Variants in EDF1 observed in about 807,000 individuals in gnomAD.
The protein encoded by EDF1 is endothelial differentiation related factor 1.
Under a neutral mutation model 20.8 loss-of-function variants are expected in EDF1, and 5 were observed. That is an observed-to-expected ratio of 0.24 (90% confidence interval 0.13 to 0.51). EDF1 has a LOEUF of 0.51. Among genes scored for constraint, EDF1 ranks in the 20% least tolerant of loss-of-function variants. The pLI, the probability that EDF1 is intolerant of heterozygous loss-of-function variation, is 0.97. For missense variants in EDF1, 137 were observed against 197.8 expected, an observed-to-expected ratio of 0.69 and a Z score of 1.84; for synonymous variants, 96 against 78.5, an observed-to-expected ratio of 1.22 and a Z score of -1.18.
chr9:136,866,075 G>A (rs1442759701), intron 1 of EDF1, 106 bp downstream of exon 1: 5 of 1,181,668 alleles, frequency 4.2e-6, no homozygotes, highest in East Asian at 3.1e-5. Context: ...CCTGCGCCCT[G>A]TCCCAGGCCC....
rs1849132779 is a variant in EDF1 at position 136,862,860 on chromosome 9, A to C, written c.385+46T>G. 1 of 1,612,114 alleles carries C rather than the reference A, an allele frequency of 6.2e-7. No individual in the cohort carries two copies. The highest frequency in any genetic ancestry group is 8.5e-7 in the Non-Finnish European group (1 of 1,179,950). On this transcript the variant is annotated intron_variant, in intron 4 of 4. Transcript: ENST00000224073. This position sits in a 1 kb window ranked among gnomAD's most constrained non-coding sequence, Gnocchi z 4.1. ...TCACCAACCCCAGCTGGGAGCGGGT[A>C]GCCTCCCTGTTCAGCGGACCCGGCG...
In EDF1 at chr9:136,862,581, T is replaced by C; in HGVS notation, c.386-236A>G. On this transcript the variant is annotated intron_variant, in intron 4 of 4. Transcript: ENST00000224073. This position sits in a 1 kb window ranked among gnomAD's most constrained non-coding sequence, Gnocchi z 4.1. ...CGGAAGAACCGGAGCCGGGGTCCTC[T>C]GTGGAACTGGCTTCCGGCCCCATGC... 1 of 1,561,078 alleles carries C rather than the reference T, an allele frequency of 6.4e-7. No individual in the cohort carries two copies. The highest frequency in any genetic ancestry group is 8.6e-7 in the Non-Finnish European group (1 of 1,160,754).
Position 136,862,163 on chromosome 9 carries a change from G to A in EDF1, c.*121C>T. ...TGTTTGACAGCAGGAATGGGCTGGG[G>A]AGGGTCCCCCGCAAGCTGGACCCCT... On this transcript the variant is annotated 3_prime_UTR_variant, in exon 5 of 5. Transcript: ENST00000224073. This position sits in a 1 kb window ranked among gnomAD's most constrained non-coding sequence, Gnocchi z 4.1. The A allele has an allele frequency of 1.6e-6, 2 of 1,281,582 alleles. No homozygotes were observed. The highest frequency in any genetic ancestry group is 2.2e-6 in the Non-Finnish European group (2 of 890,060). 79.4% of individuals were successfully genotyped at this position (1,281,582 alleles called of 1,614,324 possible).
chr9:136,863,235 T>C lies in EDF1; in HGVS notation c.291+53A>G. ...CCCCGTGCTATCTGAACACCGGCCA[T>C]CCCCCTCCCCAAACCCACAACCCCA... is the stretch of plus-strand genomic sequence containing the variant. On this transcript the variant is annotated intron_variant, in intron 3 of 4. Coordinates refer to ENST00000224073, the MANE Select transcript of EDF1 (RefSeq NM_003792.4). This position sits in a 1 kb window ranked among gnomAD's most constrained non-coding sequence, Gnocchi z 4.5. 1.3e-6 allele frequency: 2 copies of C among 1,581,464 alleles called. No individual in the cohort carries two copies. The highest frequency in any genetic ancestry group is 1.7e-6 in the Non-Finnish European group (2 of 1,164,366).
intron 1 of EDF1, among the ~76,000 whole-genome samples, chr9:136,864,283 T>G (rs1395014126): frequency 1.3e-5 from 2 of 151,984 alleles, no homozygotes; most frequent in Non-Finnish European, 2.9e-5. Flanking sequence ...TTTTTTTTTT[T>G]TTTTTTTAGA....
At chr9:136,865,191 G>C (rs1477662099) in intron 1 of EDF1, among the ~76,000 whole-genome samples, 1 of 152,158 alleles carries the variant, frequency 6.6e-6, no homozygotes, top group East Asian at 1.9e-4. Context: ...GAATGAGGCA[G>C]AGGCGGTGAC....
intron 1 of EDF1, among the ~76,000 whole-genome samples, chr9:136,865,481 A>G (rs978252443): frequency 6.6e-6 from 1 of 151,562 alleles, no homozygotes; most frequent in African/African-American, 2.4e-5. Context: ...CCCTGTCCCC[A>G]GCTCCCACTC....
In EDF1 at chr9:136,862,597, G is replaced by A. The variant is rs929052075; in HGVS notation, c.386-252C>T. On this transcript the variant is annotated intron_variant, in intron 4 of 4. Coordinates refer to ENST00000224073, the MANE Select transcript of EDF1 (RefSeq NM_003792.4). This position sits in a 1 kb window ranked among gnomAD's most constrained non-coding sequence, Gnocchi z 4.1. ...GGGGTCCTCTGTGGAACTGGCTTCC[G>A]GCCCCATGCTGACAGGGCCCGGACC... 138 of 1,545,788 alleles carry A rather than the reference G, an allele frequency of 8.9e-5. No homozygotes were observed. The highest frequency in any genetic ancestry group is 1.1e-4 in the Non-Finnish European group (127 of 1,152,790).
In EDF1 at chr9:136,862,448, C is replaced by T. The variant is rs1849120317; in HGVS notation, c.386-103G>A. 6.2e-7 allele frequency: 1 copy of T among 1,613,452 alleles called. No individual in the cohort carries two copies. Among genetic ancestry groups the T allele is most frequent in the Admixed American group, 1.7e-5 (1 of 59,998 alleles). ...CCCAGGGAAGGGGGGCCACGCCGCT[C>T]CCGTGCCTCACTGGGCTCTCAGCAC... is the stretch of plus-strand genomic sequence containing the variant. On this transcript the variant is annotated intron_variant, in intron 4 of 4. Coordinates refer to ENST00000224073, the MANE Select transcript of EDF1 (RefSeq NM_003792.4). The surrounding 1 kb of genome is among the most constrained non-coding windows in gnomAD (Gnocchi z 4.1).
At chr9:136,864,223 C>T (rs912723085) in intron 1 of EDF1, among the ~76,000 whole-genome samples, 2 of 151,908 alleles carry the variant, frequency 1.3e-5, no homozygotes, top group African/African-American at 4.8e-5. Flanking sequence ...TCACAGTTAA[C>T]TGCTAAGAGA....
chr9:136,866,094 C>T (rs1849220067), intron 1 of EDF1, 87 bp downstream of exon 1: 1 of 1,395,350 alleles, frequency 7.2e-7, no homozygotes, highest in East Asian at 2.8e-5. Flanking sequence ...CCCGCCTGCC[C>T]TTCCCCGAGC....
chr9:136,865,599 G>T (rs1849201153), intron 1 of EDF1, among the ~76,000 whole-genome samples: 1 of 150,402 alleles, frequency 6.6e-6, no homozygotes, highest in African/African-American at 2.5e-5. Flanking sequence ...TTCATCGCTG[G>T]TTCCTGCTGC....
rs1036614558 is a variant in EDF1 at position 136,866,280 on chromosome 9, G to T, written c.-22C>A. The stretch of plus-strand genomic sequence containing the variant: ...CCATGGCGGGCGAAGACGAGCGTCC[G>T]TCCGGCGGCTCAGCGGCAGCTGCTA... On this transcript the variant is annotated 5_prime_UTR_variant, in exon 1 of 5. Transcript: ENST00000224073. 2 of 1,591,750 alleles carry T rather than the reference G, an allele frequency of 1.3e-6. No homozygotes were observed. The highest frequency in any genetic ancestry group is 8.5e-7 in the Non-Finnish European group (1 of 1,173,060).
rs200305721 is a variant in EDF1 at position 136,862,855 on chromosome 9, C to G, written c.385+51G>C. ...CACTCTCACCAACCCCAGCTGGGAG[C>G]GGGTAGCCTCCCTGTTCAGCGGACC... On this transcript the variant is annotated intron_variant, in intron 4 of 4. Transcript: ENST00000224073. The surrounding 1 kb of genome is among the most constrained non-coding windows in gnomAD (Gnocchi z 4.1). The G allele has an allele frequency of 6.2e-7, 1 of 1,611,990 alleles. No individual in the cohort carries two copies.
chr9:136,865,676 C>T (rs1849203683), intron 1 of EDF1, among the ~76,000 whole-genome samples: 1 of 151,172 alleles, frequency 6.6e-6, no homozygotes, highest in Non-Finnish European at 1.5e-5. Context: ...CAAGCCCTGT[C>T]CCCATCTCCA....
Position 136,862,439 on chromosome 9 carries a change from C to G in EDF1, c.386-94G>C. On this transcript the variant is annotated intron_variant, in intron 4 of 4. Transcript: ENST00000224073. The surrounding 1 kb of genome is among the most constrained non-coding windows in gnomAD (Gnocchi z 4.1). Reference sequence around the variant, plus strand: ...CAACATCTTCCCAGGGAAGGGGGGCCACGCCGCTCCCGTGCCTCACTGGGC... The same window carrying G: ...CAACATCTTCCCAGGGAAGGGGGGCGACGCCGCTCCCGTGCCTCACTGGGC... 6.2e-7 allele frequency: 1 copy of G among 1,613,628 alleles called. No individual in the cohort carries two copies. Among genetic ancestry groups the G allele is most frequent in the Non-Finnish European group, 8.5e-7 (1 of 1,179,940 alleles).
At position 136,863,892 on chromosome 9, in the gene EDF1, A is replaced by G. The variant is rs1281036636; in HGVS notation, c.79-21T>C. ...ATAGCCTAGAAAATTAGAAAACATC[A>G]GTGGATCAAAATTAGCTTTGACAGT... On this transcript the variant is annotated intron_variant, in intron 1 of 4. Transcript: ENST00000224073. The surrounding 1 kb of genome is among the most constrained non-coding windows in gnomAD (Gnocchi z 4.5). 6.2e-7 allele frequency: 1 copy of G among 1,613,486 alleles called. No individual in the cohort carries two copies. The highest frequency in any genetic ancestry group is 1.7e-5 in the Admixed American group (1 of 60,022).
At position 136,862,427 on chromosome 9, in the gene EDF1, G is replaced by A. The variant is rs771483574; in HGVS notation, c.386-82C>T. 30 of 1,613,624 alleles carry A rather than the reference G, an allele frequency of 1.9e-5. No homozygotes were observed. The African/African-American group carries it at 2.0e-4, about 11-fold the overall frequency. On this transcript the variant is annotated intron_variant, in intron 4 of 4. Transcript: ENST00000224073. The surrounding 1 kb of genome is among the most constrained non-coding windows in gnomAD (Gnocchi z 4.1). ...GCTGCCCCTCTTCAACATCTTCCCA[G>A]GGAAGGGGGGCCACGCCGCTCCCGT...
rs565273978 is a variant in EDF1, at chr9:136,863,731, G to A, written c.130+89C>T. 3.9e-5 allele frequency: 59 copies of A among 1,514,950 alleles called. No individual in the cohort carries two copies. The highest frequency in any genetic ancestry group is 5.5e-5 in the African/African-American group (4 of 72,782). 93.8% of individuals were successfully genotyped at this position (1,514,950 alleles called of 1,614,324 possible). A position where few individuals can be genotyped will look rare whatever the true frequency, so the allele number is the denominator to read the frequency against. ...TGCAGGCAGGCACTCAGCTGACAACGTCCCCGGGGGCGCCGCACACACCAC... is the reference window on the plus strand; with the variant it reads ...TGCAGGCAGGCACTCAGCTGACAACATCCCCGGGGGCGCCGCACACACCAC... On this transcript the variant is annotated intron_variant, in intron 2 of 4. Transcript: ENST00000224073. The surrounding 1 kb of genome is among the most constrained non-coding windows in gnomAD (Gnocchi z 4.5).
Sources: gnomAD v4.1 joint callset for allele counts (sites outside exome capture counted in the v4.1 genomes callset) on GRCh38, gnomAD v4.1.1 for gene constraint, Gnocchi (gnomAD v3.1) non-coding constraint, MANE v1.5 for transcripts, NCBI Gene and HGNC (gene_info 2026-07-23, HGNC 2026-07-21) for gene names.